Variants in JAK1 observed in about 807,000 individuals in gnomAD.
JAK1 encodes the protein Janus kinase 1.
In JAK1, 16 loss-of-function variants were observed where a neutral mutation model predicts 136.6. The observed-to-expected ratio is 0.12, with a 90% CI of 0.08 to 0.18. The LOEUF (loss-of-function observed/expected upper bound fraction) is 0.18. Among genes scored for constraint, JAK1 ranks in the 10% least tolerant of loss-of-function variants. The pLI is 1.00. For missense variants in JAK1, 859 were observed against 1,450.1 expected (o/e 0.59, Z 6.62); for synonymous variants, 492 against 519.5 (o/e 0.95, Z 0.72).
chr1:65,019,137 A>G (rs1646916634), intron 2 of JAK1, among the ~76,000 whole-genome samples: 1 of 152,252 alleles, frequency 6.6e-6, no homozygotes, highest in African/African-American at 2.4e-5. Flanking sequence ...GAAGCCTTTC[A>G]TATGACTTCC....
At chr1:64,934,399 T>A (rs1403269746) in intron 1 of JAK1, among the ~76,000 whole-genome samples, 1 of 152,114 alleles carries the variant, frequency 6.6e-6, no homozygotes, top group East Asian at 1.9e-4. Flanking sequence ...AACCAGGCAG[T>A]GAAGAGCAGG....
intron 8 of JAK1, among the ~76,000 whole-genome samples, chr1:64,862,518 C>T (rs2101089294): frequency 6.6e-6 from 1 of 152,348 alleles, no homozygotes; most frequent in East Asian, 1.9e-4. Flanking sequence ...TTTCTTCCTG[C>T]CCTCCTCCTG....
chr1:64,880,006 A>T (rs1644744941), intron 3 of JAK1, among the ~76,000 whole-genome samples: 1 of 152,210 alleles, frequency 6.6e-6, no homozygotes, highest in Non-Finnish European at 1.5e-5. Context: ...GCCAGGCCTC[A>T]AACTAAGATG....
intron 2 of JAK1, among the ~76,000 whole-genome samples, chr1:65,024,438 T>A (rs1646961039): frequency 6.6e-6 from 1 of 152,164 alleles, no homozygotes; most frequent in South Asian, 2.1e-4. Context: ...TTTGCTCATT[T>A]TAAATTGGGT....
chr1:64,861,559 CA>C (rs201369957), intron 8 of JAK1, among the ~76,000 whole-genome samples: 99 of 151,836 alleles, frequency 6.5e-4, no homozygotes, highest in African/African-American at 2.3e-3. Flanking sequence ...CTTTGACTCA[CA>C]AAAAAACATT....
chr1:64,855,503 A>T lies in JAK1; in HGVS notation c.1648+6T>A. On this transcript the variant is annotated splice_donor_region_variant and intron_variant, in intron 11 of 24. Coordinates refer to ENST00000342505, the MANE Select transcript of JAK1 (RefSeq NM_002227.4). Reference sequence around the variant, plus strand: ...TACAGCCTGGCTCTGGCACAGGGAGACGAACCTCGGGGCTTGGGCTGGCAG... The same window carrying T: ...TACAGCCTGGCTCTGGCACAGGGAGTCGAACCTCGGGGCTTGGGCTGGCAG... 1 of 1,613,240 alleles carries T rather than the reference A, an allele frequency of 6.2e-7. No homozygotes were observed. The highest frequency in any genetic ancestry group is 8.5e-7 in the Non-Finnish European group (1 of 1,179,498).
At chr1:64,982,544 C>T (rs538444837) in intron 2 of JAK1, among the ~76,000 whole-genome samples, 4 of 152,218 alleles carry the variant, frequency 2.6e-5, no homozygotes, top group South Asian at 2.1e-4. Context: ...TTATAAAATA[C>T]GAGGAAGTTC....
At chr1:64,991,777 A>G (rs767863650) in intron 2 of JAK1, 2 of 152,252 alleles carry the variant, frequency 1.3e-5, no homozygotes, top group African/African-American at 4.8e-5. Context: ...TCAGTTGTCT[A>G]TACATCAGCA....
intron 15 of JAK1, among the ~76,000 whole-genome samples, chr1:64,845,264 A>C (rs1655153120): frequency 6.6e-6 from 1 of 152,122 alleles, no homozygotes; most frequent in Admixed American, 6.6e-5. Flanking sequence ...CATATGCTGC[A>C]GTATGCAAGT....
chr1:64,879,904 C>T (rs375252337), intron 3 of JAK1, among the ~76,000 whole-genome samples: 2 of 152,070 alleles, frequency 1.3e-5, no homozygotes, highest in Non-Finnish European at 2.9e-5. Flanking sequence ...CACTTCTACG[C>T]CCATGATTAA....
intron 2 of JAK1, among the ~76,000 whole-genome samples, chr1:64,978,810 T>C (rs1646518892): frequency 6.6e-6 from 1 of 151,108 alleles, no homozygotes. Context: ...GGCTGCTGGA[T>C]CAGAAAGCAG....
intron 1 of JAK1, among the ~76,000 whole-genome samples, chr1:64,939,646 A>C (rs1645852930): frequency 6.6e-6 from 1 of 152,262 alleles, no homozygotes; most frequent in African/African-American, 2.4e-5. Flanking sequence ...CTGGGCACAT[A>C]GTAGATACAT....
intron 1 of JAK1, among the ~76,000 whole-genome samples, chr1:64,891,752 C>T (rs567259190): frequency 2.0e-5 from 3 of 152,278 alleles, no homozygotes; most frequent in Non-Finnish European, 2.9e-5. Context: ...GCCAAAAGGA[C>T]GACATCATAT....
At position 64,900,715 on chromosome 1, in the gene JAK1, T is replaced by C. The variant is rs150278740; in HGVS notation, c.-77-14374A>G. Reference sequence around the variant, plus strand: ...TTCCAAGTCTCTACAATGCAGCCAGTCTTATTTCTAGACTGCTAATCTGGA... The same window carrying C: ...TTCCAAGTCTCTACAATGCAGCCAGCCTTATTTCTAGACTGCTAATCTGGA... On this transcript the variant is annotated intron_variant, in intron 1 of 24. Coordinates refer to ENST00000342505, the MANE Select transcript of JAK1 (RefSeq NM_002227.4). Among the ~76,000 whole-genome samples the C allele has an allele frequency of 4.1e-3, 632 of 152,338 alleles. 5 individuals carry two copies. The highest frequency in any genetic ancestry group is 0.014 in the African/African-American group (594 of 41,582).
chr1:64,913,649 A>G (rs147238114), intron 1 of JAK1, among the ~76,000 whole-genome samples: 3,300 of 87,910 alleles, frequency 0.038, 158 homozygotes, highest in Admixed American at 0.11. Context: ...GGGAGGAAGG[A>G]AGGAAAGAAG....
intron 1 of JAK1, among the ~76,000 whole-genome samples, chr1:64,950,849 G>C (rs902137270): frequency 6.6e-6 from 1 of 152,122 alleles, no homozygotes; most frequent in African/African-American, 2.4e-5. Flanking sequence ...CATGATGATG[G>C]ATTAAAAAAC....
chr1:64,857,614 T>C, intron 10 of JAK1, 42 bp downstream of exon 10: 1 of 1,611,864 alleles, frequency 6.2e-7, no homozygotes, highest in Non-Finnish European at 8.5e-7. Flanking sequence ...ACTGGACACC[T>C]CATGGCTGTA....
At chr1:64,967,161 T>C (rs558220049), upstream of JAK1, among the ~76,000 whole-genome samples, 1 of 152,246 alleles carries the variant, frequency 6.6e-6, no homozygotes, top group Non-Finnish European at 1.5e-5. Flanking sequence ...CCTCTCAAAG[T>C]AGTAGCATCA....
At chr1:64,841,044 A>G (rs1299690270) in intron 19 of JAK1, among the ~76,000 whole-genome samples, 1 of 152,168 alleles carries the variant, frequency 6.6e-6, no homozygotes, top group Non-Finnish European at 1.5e-5. Context: ...AGGGACGTGC[A>G]TTCCGTCCGT....
Sources: gnomAD v4.1 joint callset for allele counts (sites outside exome capture counted in the v4.1 genomes callset) on GRCh38, gnomAD v4.1.1 for gene constraint, MANE v1.5 for transcripts, NCBI Gene and HGNC (gene_info 2026-07-23, HGNC 2026-07-21) for gene names.